Variants in CACNA1D observed in about 807,000 individuals in gnomAD.
CACNA1D encodes calcium voltage-gated channel subunit alpha1 D.
A neutral mutation model predicts 257.1 loss-of-function variants in CACNA1D; 55 were observed. That is an observed-to-expected ratio of 0.21 (90% confidence interval 0.17 to 0.27). The LOEUF (loss-of-function observed/expected upper bound fraction) is 0.27, where lower values mean the gene tolerates loss of function less well. CACNA1D is among the 10% of genes least tolerant of loss of function. The pLI is 1.00. For missense variants in CACNA1D, 1,876 were observed against 2,784.0 expected, an observed-to-expected ratio of 0.67 and a Z score of 7.34; for synonymous variants, 980 against 1,014.9, an observed-to-expected ratio of 0.97 and a Z score of 0.65.
chr3:53,717,089 A>C (rs2094827634), intron 9 of CACNA1D, among the ~76,000 whole-genome samples: 1 of 152,240 alleles, frequency 6.6e-6, no homozygotes, highest in Non-Finnish European at 1.5e-5. Flanking sequence ...GGGGAGCCAC[A>C]CGGGCAGAGC....
At position 53,803,259 on chromosome 3, in the gene CACNA1D, G is replaced by C. The variant is rs550672551; in HGVS notation, c.5436-164G>C. On this transcript the variant is annotated intron_variant, in intron 43 of 47. Coordinates refer to ENST00000350061, the MANE Select transcript of CACNA1D (RefSeq NM_001128840.3). ...CCACACACACAGACACACACACGGT[G>C]CTGTTGCCAGAAGCCGGAACAGTCC... Among the ~76,000 whole-genome samples, 248 of 152,348 alleles carry C rather than the reference G, an allele frequency of 1.6e-3. 1 individual carries two copies. Among genetic ancestry groups the C allele is most frequent in the Middle Eastern group, 3.4e-3 (1 of 294 alleles).
At chr3:53,658,732 T>A (rs761118593) in intron 4 of CACNA1D, among the ~76,000 whole-genome samples, 1 of 152,218 alleles carries the variant, frequency 6.6e-6, no homozygotes, top group Admixed American at 6.5e-5. Flanking sequence ...AGTAATCTTT[T>A]AAAAACTATG....
chr3:53,500,235 C>G (rs374574934), intron 2 of CACNA1D, among the ~76,000 whole-genome samples: 2 of 86,868 alleles, frequency 2.3e-5, no homozygotes, highest in African/African-American at 8.5e-5. Flanking sequence ...GGCAACATGG[C>G]AAAACCCCTG....
At chr3:53,689,212 G>T (rs1366500656) in intron 8 of CACNA1D, among the ~76,000 whole-genome samples, 3 of 152,134 alleles carry the variant, frequency 2.0e-5, no homozygotes, top group Non-Finnish European at 4.4e-5. Flanking sequence ...AAGTTGTCAG[G>T]AGAGTGGGAC....
Position 53,495,280 on chromosome 3 carries a change from A to G in CACNA1D, c.67+47A>G, listed in dbSNP as rs1177381705. On this transcript the variant is annotated intron_variant, in intron 1 of 47. Coordinates refer to ENST00000350061, the MANE Select transcript of CACNA1D (RefSeq NM_001128840.3). This position sits in a 1 kb window ranked among gnomAD's most constrained non-coding sequence, Gnocchi z 5.1. ...ACCCGCTGCCAAATCCGATCCTGTC[A>G]TGGTCCTCCAGCCCCCTCCCCCTTC... 4 of 1,610,314 alleles carry G rather than the reference A, an allele frequency of 2.5e-6. No homozygotes were observed. Among genetic ancestry groups the G allele is most frequent in the Admixed American group, 3.3e-5 (2 of 59,980 alleles).
chr3:53,579,257 G>A (rs781480851), intron 3 of CACNA1D, among the ~76,000 whole-genome samples: 6 of 152,200 alleles, frequency 3.9e-5, no homozygotes, highest in African/African-American at 7.2e-5. Context: ...ATTCCAAGGC[G>A]TTCTGGAATC....
In CACNA1D at chr3:53,691,793, T is replaced by A. The variant is rs1205517324; in HGVS notation, c.1221-10848T>A. Among the ~76,000 whole-genome samples the A allele has an allele frequency of 2.0e-4, 15 of 75,380 alleles. No individual in the cohort carries two copies. In the South Asian group the frequency reaches 4.9e-3, roughly 24 times the overall value. The allele number at this position is 75,380 out of a possible 152,430, so 49.5% of individuals were successfully genotyped here. A position where few individuals can be genotyped will look rare whatever the true frequency, so the allele number is the denominator to read the frequency against. On this transcript the variant is annotated intron_variant, in intron 8 of 47. Transcript: ENST00000350061. Reference sequence around the variant, plus strand: ...ATATATATTATATCTATAATATATATATTACATATATAATATATATTATAT... The same window carrying A: ...ATATATATTATATCTATAATATATAAATTACATATATAATATATATTATAT...
chr3:53,676,106 G>A (rs1404554555), intron 8 of CACNA1D, among the ~76,000 whole-genome samples: 1 of 152,184 alleles, frequency 6.6e-6, no homozygotes, highest in Non-Finnish European at 1.5e-5. Flanking sequence ...CTTGTGCTTA[G>A]GCGTTCATTA....
At chr3:53,730,960 G>C (rs1576486110) in intron 16 of CACNA1D, 117 bp from the exon 17 acceptor site, 1 of 718,100 alleles carries the variant, frequency 1.4e-6, no homozygotes, top group African/African-American at 1.8e-5. Flanking sequence ...GGTTAGTGTT[G>C]TTTCTAATTA....
intron 15 of CACNA1D, among the ~76,000 whole-genome samples, chr3:53,730,048 T>TA (rs76372858): frequency 0.033 from 5,000 of 149,924 alleles, 276 homozygotes; most frequent in African/African-American, 0.11. Flanking sequence ...AGTATGTGTT[T>TA]AAAAAAAAAA....
chr3:53,743,104 T>G lies in CACNA1D; in HGVS notation c.2905T>G (p.Ser969Ala). 6.2e-7 allele frequency: 1 copy of G among 1,610,580 alleles called. No homozygotes were observed. Among genetic ancestry groups the G allele is most frequent in the Non-Finnish European group, 8.5e-7 (1 of 1,176,722 alleles). The change falls in exon 22 of 48, where the codon TCA becomes GCA. Residue 969 changes from serine (S) to alanine (A), a missense_variant. This residue lies in a region of CACNA1D where 271 missense variants were observed against 425.5 expected (regional missense o/e 0.64). Coordinates refer to ENST00000350061, the MANE Select transcript of CACNA1D (RefSeq NM_001128840.3). ...DMLVVGVSLV[S>A]FGIQSSAISV... is the part of the protein sequence containing the mutation. The stretch of plus-strand genomic sequence containing the variant: ...GCTGGTGGTTGGGGTGTCTCTGGTG[T>G]CATTTGGGATTCAGTAAGTATTCTG...
chr3:53,756,903 C>T (rs1189311734), intron 29 of CACNA1D, among the ~76,000 whole-genome samples: 1 of 152,208 alleles, frequency 6.6e-6, no homozygotes, highest in Admixed American at 6.5e-5. Context: ...TACTGGCCTT[C>T]TCCAGTGAGC....
rs376301852 is a variant in CACNA1D at position 53,803,600 on chromosome 3, C to T, written c.5585+28C>T. The T allele has an allele frequency of 1.7e-5, 27 of 1,610,546 alleles. No individual in the cohort carries two copies. In the Admixed American group the frequency reaches 2.2e-4, roughly 13 times the overall value. ...GAGCTGCTCTGGCTCCTGTGGAGAG[C>T]GGGAGGCCGCCCTGCCCTGGTGCTC... is the stretch of plus-strand genomic sequence containing the variant. On this transcript the variant is annotated intron_variant, in intron 44 of 47. Transcript: ENST00000350061.
intron 35 of CACNA1D, 58 bp from the exon 36 acceptor site, chr3:53,776,545 C>A: frequency 6.2e-7 from 1 of 1,607,542 alleles, no homozygotes; most frequent in East Asian, 2.2e-5. Flanking sequence ...AGCCTGTGCT[C>A]AGTTCTAACG....
chr3:53,497,848 A>G (rs2090418254), intron 2 of CACNA1D, among the ~76,000 whole-genome samples: 1 of 152,240 alleles, frequency 6.6e-6, no homozygotes, highest in Non-Finnish European at 1.5e-5. Flanking sequence ...TATACAGATT[A>G]GAAAAAAAGA....
intron 3 of CACNA1D, among the ~76,000 whole-genome samples, chr3:53,548,379 A>G (rs1242941147): frequency 3.3e-5 from 3 of 90,492 alleles, no homozygotes; most frequent in Middle Eastern, 0.013. Flanking sequence ...TTTAAAAATT[A>G]TCTTTAAAGA....
In CACNA1D at chr3:53,665,640, T is replaced by C. The variant is rs1180987130; in HGVS notation, c.767-20T>C. ...AGTGCCTTCCTGGCTCACAAACTTA[T>C]TTTTTTTTGTCTTTCCTAGGTTTAC... On this transcript the variant is annotated intron_variant, in intron 5 of 47. Transcript: ENST00000350061. 1.3e-6 allele frequency: 2 copies of C among 1,506,578 alleles called. No individual in the cohort carries two copies. The highest frequency in any genetic ancestry group is 1.7e-5 in the Admixed American group (1 of 57,982). 93.3% of individuals were successfully genotyped at this position (1,506,578 alleles called of 1,614,324 possible). A position where few individuals can be genotyped will look rare whatever the true frequency, so the allele number is the denominator to read the frequency against.
intron 3 of CACNA1D, among the ~76,000 whole-genome samples, chr3:53,608,170 T>G (rs1236276387): frequency 6.6e-6 from 1 of 152,232 alleles, no homozygotes; most frequent in Non-Finnish European, 1.5e-5. Flanking sequence ...GATTTAATTT[T>G]TTTCAATAAT....
intron 30 of CACNA1D, among the ~76,000 whole-genome samples, chr3:53,764,793 T>A (rs765362665): frequency 2.0e-5 from 3 of 152,222 alleles, no homozygotes; most frequent in Admixed American, 6.5e-5. Flanking sequence ...GCATTTGACA[T>A]TGGGGTATCT....
Sources: allele counts gnomAD v4.1 joint callset (sites outside exome capture counted in the v4.1 genomes callset), GRCh38; gene constraint gnomAD v4.1.1; regional missense constraint gnomAD v4.1.1; non-coding constraint Gnocchi (gnomAD v3.1); transcripts MANE v1.5; gene names NCBI Gene and HGNC (gene_info 2026-07-23, HGNC 2026-07-21).